The following ANXA8 variants were observed in gnomAD, a reference collection of about 807,000 sequenced individuals.
ANXA8 encodes annexin A8, also known as VAC-beta.
In ANXA8, 9 loss-of-function variants were observed where a neutral mutation model predicts 26.8. The ratio of observed to expected loss-of-function variants is 0.34; its 90% CI spans 0.20 to 0.59. ANXA8 has a LOEUF of 0.59. Among genes scored for constraint, ANXA8 ranks in the 20% least tolerant of loss-of-function variants. The probability of loss-of-function intolerance (pLI) is 0.84; values close to 1 mark genes in which losing one functional copy is unlikely to be tolerated. For missense variants in ANXA8, 83 were observed against 238.5 expected (o/e 0.35, Z 4.29); for synonymous variants, 39 against 94.8 (o/e 0.41, Z 3.42).
At chr10:47,535,649 C>T in the ANXA8 span, among the ~76,000 whole-genome samples, 28 of 132,632 alleles carry the variant, frequency 2.1e-4, no homozygotes, top group East Asian at 1.5e-3. Flanking sequence ...TATATAGATA[C>T]GTATATAAAG....
the ANXA8 span, among the ~76,000 whole-genome samples, chr10:47,967,286 T>C: frequency 6.6e-6 from 1 of 151,436 alleles, no homozygotes. Flanking sequence ...GTAGCATGTA[T>C]AGGCACCCTT....
the ANXA8 span, among the ~76,000 whole-genome samples, chr10:47,740,631 C>CT: frequency 8.1e-6 from 1 of 122,864 alleles, no homozygotes; most frequent in Non-Finnish European, 1.7e-5. Flanking sequence ...TTGTAACTGG[C>CT]TTTTTTTAAC....
At chr10:47,733,361 G>A in the ANXA8 span, among the ~76,000 whole-genome samples, 1 of 121,704 alleles carries the variant, frequency 8.2e-6, no homozygotes, top group Non-Finnish European at 1.6e-5. Flanking sequence ...CTTTTACGCT[G>A]TTATTGCAAA....
the ANXA8 span, among the ~76,000 whole-genome samples, chr10:47,550,078 C>T: frequency 6.6e-6 from 1 of 151,686 alleles, no homozygotes; most frequent in African/African-American, 2.4e-5. Flanking sequence ...AATCACACCA[C>T]TGCATTCCAG....
At chr10:47,556,518 A>G in the ANXA8 span, among the ~76,000 whole-genome samples, 1 of 151,896 alleles carries the variant, frequency 6.6e-6, no homozygotes, top group South Asian at 2.1e-4. Flanking sequence ...GAATCTACCA[A>G]AAAAATTAAC....
At chr10:47,673,729 A>G in the ANXA8 span, among the ~76,000 whole-genome samples, 5 of 151,984 alleles carry the variant, frequency 3.3e-5, no homozygotes, top group Non-Finnish European at 7.4e-5. Flanking sequence ...AATTGCCAAG[A>G]TAGTATAGAG....
At chr10:47,488,789 G>A (rs1436526646), upstream of ANXA8, among the ~76,000 whole-genome samples, 18 of 123,298 alleles carry the variant, frequency 1.5e-4, no homozygotes, top group South Asian at 2.8e-4. Flanking sequence ...GTGCAGTGTC[G>A]CGATCTCGGC....
At chr10:47,507,586 G>A in the ANXA8 span, 17 of 1,530,602 alleles carry the variant, frequency 1.1e-5, 1 homozygote, top group Non-Finnish European at 1.5e-5. Flanking sequence ...AGGTCACACT[G>A]TGGAAGGAAA....
the ANXA8 span, among the ~76,000 whole-genome samples, chr10:47,535,608 C>CT: frequency 4.8e-5 from 7 of 145,146 alleles, no homozygotes; most frequent in African/African-American, 1.9e-4. Context: ...GTGTCTACAA[C>CT]TTTTTTTTAA....
chr10:47,622,356 T>G, the ANXA8 span, among the ~76,000 whole-genome samples: 1 of 109,322 alleles, frequency 9.1e-6, no homozygotes, highest in Non-Finnish European at 2.0e-5. Flanking sequence ...TCATTATATA[T>G]TCCTTCAAAT....
chr10:47,522,167 ACT>A, the ANXA8 span, among the ~76,000 whole-genome samples: 2 of 140,958 alleles, frequency 1.4e-5, no homozygotes, highest in Non-Finnish European at 3.1e-5. Flanking sequence ...GGCAACAAAC[ACT>A]CTTACAGGGA....
At chr10:47,595,659 CAA>C in the ANXA8 span, among the ~76,000 whole-genome samples, 913 of 144,080 alleles carry the variant, frequency 6.3e-3, 5 homozygotes, top group African/African-American at 0.023. Flanking sequence ...GAAACAAGGA[CAA>C]AAAAATGTTA....
chr10:47,613,687 C>T, the ANXA8 span, among the ~76,000 whole-genome samples: 1 of 72,434 alleles, frequency 1.4e-5, no homozygotes, highest in East Asian at 2.7e-4. Context: ...GGATTCGTTT[C>T]GTGGAAGACA....
the ANXA8 span, among the ~76,000 whole-genome samples, chr10:47,649,923 T>A: frequency 6.6e-6 from 1 of 150,454 alleles, no homozygotes; most frequent in Non-Finnish European, 1.5e-5. Context: ...ATTATAGGAA[T>A]TGGGGCCAGG....
At chr10:47,954,814 CTG>C in the ANXA8 span, among the ~76,000 whole-genome samples, 1 of 151,224 alleles carries the variant, frequency 6.6e-6, no homozygotes, top group Non-Finnish European at 1.5e-5. Flanking sequence ...TAGCCTCAAA[CTG>C]GGGAAAAACC....
the ANXA8 span, among the ~76,000 whole-genome samples, chr10:47,603,553 CT>C: frequency 6.8e-6 from 1 of 146,502 alleles, no homozygotes; most frequent in Non-Finnish European, 1.5e-5. Context: ...GCTCTGTCAC[CT>C]AGGTTGAAGC....
At chr10:47,942,297 C>T in the ANXA8 span, among the ~76,000 whole-genome samples, 1 of 145,750 alleles carries the variant, frequency 6.9e-6, no homozygotes, top group African/African-American at 2.7e-5. Flanking sequence ...AAGAGAGCTA[C>T]CCAAAACAAA....
the ANXA8 span, among the ~76,000 whole-genome samples, chr10:47,983,325 T>A: frequency 7.0e-5 from 6 of 85,562 alleles, 1 homozygote; most frequent in East Asian, 1.3e-3. Context: ...ACCCGAAAAG[T>A]AGAAACAATC....
the ANXA8 span, among the ~76,000 whole-genome samples, chr10:47,734,478 T>C: frequency 2.0e-5 from 3 of 148,218 alleles, no homozygotes; most frequent in Non-Finnish European, 4.4e-5. Context: ...GCTGATTTAC[T>C]GCACTTAGTC....
Sources: gnomAD v4.1 joint callset for allele counts (sites outside exome capture counted in the v4.1 genomes callset) on GRCh38, gnomAD v4.1.1 for gene constraint, MANE v1.5 for transcripts, NCBI Gene and HGNC (gene_info 2026-07-23, HGNC 2026-07-21) for gene names.